TNPO1: variants seen among roughly 807,000 people sequenced by gnomAD.
TNPO1 encodes the protein transportin 1.
Under a neutral mutation model 119.5 loss-of-function variants are expected in TNPO1, and 8 were observed. The ratio of observed to expected loss-of-function variants is 0.07; its 90% CI spans 0.04 to 0.12. The LOEUF (loss-of-function observed/expected upper bound fraction) is 0.12. Among genes scored for constraint, TNPO1 ranks in the 10% least tolerant of loss-of-function variants. TNPO1 has a pLI of 1.00. For missense variants in TNPO1, 576 were observed against 1,089.8 expected (o/e 0.53, Z 6.64); for synonymous variants, 362 against 363.0 (o/e 1.00, Z 0.03).
At chr5:72,851,709 A>G (rs1745581813) in intron 3 of TNPO1, among the ~76,000 whole-genome samples, 1 of 152,076 alleles carries the variant, frequency 6.6e-6, no homozygotes, top group Non-Finnish European at 1.5e-5. Context: ...GGCCAGGCTA[A>G]CCTTGAACTC....
intron 20 of TNPO1, 92 bp from the exon 21 acceptor site, chr5:72,899,914 G>T: frequency 1.0e-6 from 1 of 990,750 alleles, no homozygotes; most frequent in Non-Finnish European, 1.6e-6. Flanking sequence ...TGAGTTATTT[G>T]TTGTTTTTTC....
At chr5:72,874,049 T>C (rs1747597066) in intron 7 of TNPO1, among the ~76,000 whole-genome samples, 3 of 152,172 alleles carry the variant, frequency 2.0e-5, no homozygotes. Context: ...GAATTATCTC[T>C]GAAAATAAAA....
chr5:72,862,554 T>A (rs1017932347), intron 5 of TNPO1, among the ~76,000 whole-genome samples: 1 of 152,028 alleles, frequency 6.6e-6, no homozygotes, highest in African/African-American at 2.4e-5. Context: ...CCTGAACTCC[T>A]GAGCTCAAGA....
At chr5:72,900,578 GT>G (rs1749733714) in intron 21 of TNPO1, among the ~76,000 whole-genome samples, 1 of 152,126 alleles carries the variant, frequency 6.6e-6, no homozygotes, top group African/African-American at 2.4e-5. Context: ...TATATCCTAT[GT>G]TTTGCTTCTT....
chr5:72,817,904 G>A (rs901122631), intron 1 of TNPO1, among the ~76,000 whole-genome samples: 1 of 152,148 alleles, frequency 6.6e-6, no homozygotes, highest in African/African-American at 2.4e-5. Context: ...GTGGAAAAGG[G>A]GAAAGTTCCG....
chr5:72,873,750 A>G (rs941168729), intron 7 of TNPO1, among the ~76,000 whole-genome samples: 2 of 152,088 alleles, frequency 1.3e-5, no homozygotes, highest in African/African-American at 4.8e-5. Context: ...TTTTAACCTT[A>G]GATGCTTTAT....
Position 72,912,755 on chromosome 5 carries a change from A to G in TNPO1, c.*4082A>G, listed in dbSNP as rs897269200. ...TGCCTAGCAGAAATGCCAGAAATAA[A>G]TTAATTGCATCTTAGTCTAAATTTA... On this transcript the variant is annotated 3_prime_UTR_variant, in exon 25 of 25. Coordinates refer to ENST00000337273, the MANE Select transcript of TNPO1 (RefSeq NM_002270.4). 6.6e-6 allele frequency: 1 copy of G among 152,440 alleles called. No individual in the cohort carries two copies. The highest frequency in any genetic ancestry group is 2.4e-5 in the African/African-American group (1 of 41,460). 9.4% of individuals were successfully genotyped at this position (152,440 alleles called of 1,614,324 possible). A position where few individuals can be genotyped will look rare whatever the true frequency, so the allele number is the denominator to read the frequency against.
At chr5:72,848,262 T>G in intron 1 of TNPO1, 123 bp from the exon 2 acceptor site, 3 of 1,294,584 alleles carry the variant, frequency 2.3e-6, no homozygotes, top group East Asian at 3.3e-5. Flanking sequence ...GTCCGCGGCG[T>G]TTGGGGAGCG....
intron 18 of TNPO1, among the ~76,000 whole-genome samples, chr5:72,895,687 C>G (rs549614441): frequency 2.0e-5 from 3 of 152,072 alleles, no homozygotes; most frequent in African/African-American, 7.2e-5. Flanking sequence ...AATGAAGATA[C>G]TTATATAGGG....
intron 5 of TNPO1, among the ~76,000 whole-genome samples, chr5:72,863,528 G>C (rs1352208496): frequency 6.6e-6 from 1 of 152,060 alleles, no homozygotes; most frequent in African/African-American, 2.4e-5. Context: ...GGGAGACTGA[G>C]GCAGGTGGAT....
rs945821488 is a variant in TNPO1, at chr5:72,910,832, C to T, written c.*2159C>T. ...TGTTTTGTTTTGTTCTGTTTTTTAA[C>T]GTTCTTTCACCTTTCCTCTACTTTG... On this transcript the variant is annotated 3_prime_UTR_variant, in exon 25 of 25. Transcript: ENST00000337273. 1 of 151,736 alleles carries T rather than the reference C, an allele frequency of 6.6e-6. No homozygotes were observed. Among genetic ancestry groups the T allele is most frequent in the Admixed American group, 6.6e-5 (1 of 15,206 alleles). The allele number at this position is 151,736 out of a possible 1,614,324, so 9.4% of individuals were successfully genotyped here. A position where few individuals can be genotyped will look rare whatever the true frequency, so the allele number is the denominator to read the frequency against.
rs554169236 is a variant in TNPO1, at chr5:72,910,827, T to C, written c.*2154T>C. 2 of 152,188 alleles carry C rather than the reference T, an allele frequency of 1.3e-5. No homozygotes were observed. Among genetic ancestry groups the C allele is most frequent in the South Asian group, 4.1e-4 (2 of 4,822 alleles). 9.4% of individuals were successfully genotyped at this position (152,188 alleles called of 1,614,324 possible). A position where few individuals can be genotyped will look rare whatever the true frequency, so the allele number is the denominator to read the frequency against. Reference sequence around the variant, plus strand: ...TGTTTTGTTTTGTTTTGTTCTGTTTTTTAACGTTCTTTCACCTTTCCTCTA... The same window carrying C: ...TGTTTTGTTTTGTTTTGTTCTGTTTCTTAACGTTCTTTCACCTTTCCTCTA... On this transcript the variant is annotated 3_prime_UTR_variant, in exon 25 of 25. Transcript: ENST00000337273.
chr5:72,876,845 AACAC>A (rs1395363406), intron 8 of TNPO1, among the ~76,000 whole-genome samples: 1 of 152,136 alleles, frequency 6.6e-6, no homozygotes. Flanking sequence ...CTGTAATCCC[AACAC>A]TTTGGGAGGC....
At chr5:72,891,755 G>C in intron 14 of TNPO1, 55 bp from the exon 15 acceptor site, 1 of 1,245,268 alleles carries the variant, frequency 8.0e-7, no homozygotes, top group Non-Finnish European at 1.1e-6. Context: ...GACTCAAAAT[G>C]GTCTTGTTGA....
chr5:72,891,950 A>G (rs1056030310), intron 15 of TNPO1, 54 bp downstream of exon 15: 3 of 1,353,200 alleles, frequency 2.2e-6, no homozygotes. Context: ...GTTCAAATCC[A>G]AAATGGGTAT....
At chr5:72,850,093 A>G (rs1745431014) in intron 2 of TNPO1, among the ~76,000 whole-genome samples, 1 of 152,196 alleles carries the variant, frequency 6.6e-6, no homozygotes, top group African/African-American at 2.4e-5. Context: ...TACTTTAGCT[A>G]AGAATACATA....
chr5:72,866,959 G>A (rs145674668), intron 6 of TNPO1, among the ~76,000 whole-genome samples: 1 of 152,164 alleles, frequency 6.6e-6, no homozygotes, highest in East Asian at 1.9e-4. Context: ...AGGATTGCTT[G>A]AGGCCAGGAG....
At chr5:72,880,526 C>T (rs886328161) in intron 9 of TNPO1, among the ~76,000 whole-genome samples, 1 of 152,114 alleles carries the variant, frequency 6.6e-6, no homozygotes, top group Non-Finnish European at 1.5e-5. Flanking sequence ...TTAAAAAACT[C>T]ATTTTTGACT....
chr5:72,846,704 A>G (rs1236665829), intron 1 of TNPO1, among the ~76,000 whole-genome samples: 1 of 152,214 alleles, frequency 6.6e-6, no homozygotes, highest in African/African-American at 2.4e-5. Flanking sequence ...AAACCTCTTC[A>G]TACTCAGCGA....
Sources: allele counts gnomAD v4.1 joint callset (sites outside exome capture counted in the v4.1 genomes callset), GRCh38; gene constraint gnomAD v4.1.1; transcripts MANE v1.5; gene names NCBI Gene and HGNC (gene_info 2026-07-23, HGNC 2026-07-21).